Variants in DGKI observed in about 807,000 individuals in gnomAD.
DGKI encodes the protein diacylglycerol kinase iota.
A neutral mutation model predicts 147.5 loss-of-function variants in DGKI; 55 were observed. The observed-to-expected ratio is 0.37, with a 90% confidence interval of 0.30 to 0.47. DGKI has a LOEUF of 0.47. DGKI is among the 20% of genes least tolerant of loss of function. The probability of loss-of-function intolerance (pLI) is 1.00; values close to 1 mark genes in which losing one functional copy is unlikely to be tolerated. For synonymous variants in DGKI, 469 were observed against 477.1 expected (o/e 0.98, Z 0.22); for missense variants, 1,007 against 1,323.8 (o/e 0.76, Z 3.71).
rs147845931 is a variant in DGKI at position 137,782,565 on chromosome 7, G to A, written c.401+63897C>T. ...AATCTCTTGGGAGCTCTATGGCCCC[G>A]TCCACCACCTGAGAAACCTGAATAC... On this transcript the variant is annotated intron_variant, in intron 1 of 32. Coordinates refer to ENST00000614521, the MANE Select transcript of DGKI (RefSeq NM_001321708.2). Among the ~76,000 whole-genome samples, 879 of 152,160 alleles carry A rather than the reference G, an allele frequency of 5.8e-3. 5 individuals are homozygous for A. Among genetic ancestry groups the A allele is most frequent in the African/African-American group, 0.019 (801 of 41,520 alleles).
rs1248348467 is a variant in DGKI at position 137,715,010 on chromosome 7, C to T, written c.402-25008G>A. Among the ~76,000 whole-genome samples, 3 of 151,926 alleles carry T rather than the reference C, an allele frequency of 2.0e-5. No individual in the cohort carries two copies. In the South Asian group the frequency reaches 6.2e-4, roughly 32 times the overall value. ...CCATCCCTCCTTCCTAATCAGAAAA[C>T]AGAAACAAAAATAACCGCCATAAAA... is the stretch of plus-strand genomic sequence containing the variant. On this transcript the variant is annotated intron_variant, in intron 1 of 32. Coordinates refer to ENST00000614521, the MANE Select transcript of DGKI (RefSeq NM_001321708.2).
chr7:137,785,590 T>C (rs902152946), intron 1 of DGKI, among the ~76,000 whole-genome samples: 7 of 151,598 alleles, frequency 4.6e-5, no homozygotes, highest in Non-Finnish European at 7.4e-5. Flanking sequence ...TTCCGCAAGA[T>C]AGACAAAGAA....
intron 23 of DGKI, among the ~76,000 whole-genome samples, chr7:137,471,091 G>A (rs1814864675): frequency 6.6e-6 from 1 of 152,218 alleles, no homozygotes; most frequent in Non-Finnish European, 1.5e-5. Context: ...AAGCCTGCCA[G>A]TGATAACTGG....
At chr7:137,725,743 G>A (rs557754498) in intron 1 of DGKI, among the ~76,000 whole-genome samples, 35 of 152,144 alleles carry the variant, frequency 2.3e-4, no homozygotes, top group African/African-American at 6.0e-4. Flanking sequence ...TCTAATAGTC[G>A]TCTGTATTTC....
intron 1 of DGKI, among the ~76,000 whole-genome samples, chr7:137,827,053 A>G (rs2117055349): frequency 6.6e-6 from 1 of 152,314 alleles, no homozygotes; most frequent in Middle Eastern, 3.4e-3. Context: ...CCCTGCAGAC[A>G]GAACAGGGGT....
Position 137,636,217 on chromosome 7 carries a change from A to C in DGKI, c.804+9255T>G, listed in dbSNP as rs146295346. Among the ~76,000 whole-genome samples, 301 of 152,302 alleles carry C rather than the reference A, an allele frequency of 2.0e-3. 2 individuals carry two copies. The highest frequency in any genetic ancestry group is 7.0e-3 in the African/African-American group (289 of 41,566). ...GACCAGGGAATCAGACTGCAGAGAG[A>C]TAACGGTCTTGGTCCGCCTACCAGG... On this transcript the variant is annotated intron_variant, in intron 6 of 32. Coordinates refer to ENST00000614521, the MANE Select transcript of DGKI (RefSeq NM_001321708.2).
At chr7:137,422,516 T>C (rs1812611430) in intron 28 of DGKI, among the ~76,000 whole-genome samples, 1 of 152,044 alleles carries the variant, frequency 6.6e-6, no homozygotes, top group East Asian at 1.9e-4. Context: ...CTATTTACGG[T>C]TTTGTTAGAC....
chr7:137,598,139 A>C (rs1246957983), intron 11 of DGKI, among the ~76,000 whole-genome samples: 1 of 152,186 alleles, frequency 6.6e-6, no homozygotes, highest in Admixed American at 6.5e-5. Flanking sequence ...TCAACGTTGG[A>C]ATTTAAGGGA....
chr7:137,544,281 C>T (rs184666225), intron 20 of DGKI, among the ~76,000 whole-genome samples: 199 of 152,258 alleles, frequency 1.3e-3, no homozygotes, highest in African/African-American at 4.3e-3. Context: ...TCACAATCAA[C>T]GGAGCCACTA....
rs1811129575 is a variant in DGKI at position 137,384,430 on chromosome 7, T to C, written c.*6790A>G. On this transcript the variant is annotated 3_prime_UTR_variant, in exon 33 of 33. Coordinates refer to ENST00000614521, the MANE Select transcript of DGKI (RefSeq NM_001321708.2). ...TTTTTCATGGAGGCAACTTCTATATTATGGAAATCTGAACAATTGATATAA... is the reference window on the plus strand; with the variant it reads ...TTTTTCATGGAGGCAACTTCTATATCATGGAAATCTGAACAATTGATATAA... 1 of 151,952 alleles carries C rather than the reference T, an allele frequency of 6.6e-6. No individual in the cohort carries two copies. Among genetic ancestry groups the C allele is most frequent in the Admixed American group, 6.6e-5 (1 of 15,216 alleles). The allele number at this position is 151,952 out of a possible 1,614,324, so 9.4% of individuals were successfully genotyped here.
chr7:137,598,128 T>C (rs923340217), intron 11 of DGKI, among the ~76,000 whole-genome samples: 1 of 152,196 alleles, frequency 6.6e-6, no homozygotes, highest in Non-Finnish European at 1.5e-5. Flanking sequence ...GAATGAATAA[T>C]TCAACGTTGG....
chr7:137,608,892 T>C, intron 10 of DGKI, 74 bp downstream of exon 10: 1 of 1,165,146 alleles, frequency 8.6e-7, no homozygotes, highest in African/African-American at 1.5e-5. Context: ...GGTACTATTT[T>C]AATTGGCAGT....
chr7:137,517,144 T>C (rs1816772037), intron 21 of DGKI, among the ~76,000 whole-genome samples: 1 of 147,686 alleles, frequency 6.8e-6, no homozygotes, highest in South Asian at 2.1e-4. Context: ...TTGGAAGATA[T>C]TCTACAGGAA....
chr7:137,803,050 G>T (rs1033804283), intron 1 of DGKI, among the ~76,000 whole-genome samples: 1 of 152,126 alleles, frequency 6.6e-6, no homozygotes, highest in Non-Finnish European at 1.5e-5. Flanking sequence ...CACTACAAAA[G>T]GGAATCCAGA....
chr7:137,528,518 A>G (rs1030364729), intron 20 of DGKI, among the ~76,000 whole-genome samples: 6 of 152,174 alleles, frequency 3.9e-5, no homozygotes, highest in African/African-American at 1.4e-4. Context: ...AGAGGTTATT[A>G]ATTCTTTTTT....
At chr7:137,576,043 CT>C (rs1386281275) in intron 17 of DGKI, among the ~76,000 whole-genome samples, 327 of 134,922 alleles carry the variant, frequency 2.4e-3, no homozygotes, top group Middle Eastern at 4.0e-3. Context: ...TTTTCTTTTT[CT>C]TTTTTTTTTT....
chr7:137,451,035 T>G (rs184682562), intron 27 of DGKI, among the ~76,000 whole-genome samples: 1 of 152,258 alleles, frequency 6.6e-6, no homozygotes, highest in East Asian at 1.9e-4. Flanking sequence ...TTAAAATATT[T>G]TCATACTGAA....
chr7:137,500,532 A>T (rs1161126344), intron 21 of DGKI, among the ~76,000 whole-genome samples: 1 of 152,188 alleles, frequency 6.6e-6, no homozygotes, highest in Non-Finnish European at 1.5e-5. Flanking sequence ...TATTCATAAA[A>T]AACTTTTAAA....
At chr7:137,678,239 C>G (rs1313635994) in intron 3 of DGKI, among the ~76,000 whole-genome samples, 1 of 152,096 alleles carries the variant, frequency 6.6e-6, no homozygotes, top group East Asian at 1.9e-4. Flanking sequence ...ACAACTCCTC[C>G]ATAAGGAGAC....
Sources: gnomAD v4.1 joint callset for allele counts (sites outside exome capture counted in the v4.1 genomes callset) on GRCh38, gnomAD v4.1.1 for gene constraint, MANE v1.5 for transcripts, NCBI Gene and HGNC (gene_info 2026-07-23, HGNC 2026-07-21) for gene names.